The following GRM8 variants were observed in gnomAD, a reference collection of about 807,000 sequenced individuals.
The protein encoded by GRM8 is glutamate metabotropic receptor 8.
A neutral mutation model predicts 87.2 loss-of-function variants in GRM8; 47 were observed. That is an observed-to-expected ratio of 0.54 (90% confidence interval 0.43 to 0.69). The LOEUF is 0.69. Ranked by LOEUF, GRM8 falls within the 30% of genes least tolerant of loss-of-function variation. The pLI is 0.00. For synonymous variants in GRM8, 396 were observed against 404.5 expected (o/e 0.98, Z 0.25); for missense variants, 1,019 against 1,139.2 (o/e 0.89, Z 1.52).
intron 3 of GRM8, among the ~76,000 whole-genome samples, chr7:126,932,136 A>G (rs989935069): frequency 1.3e-5 from 2 of 152,086 alleles, no homozygotes; most frequent in East Asian, 1.9e-4. Context: ...GATTTTTTCT[A>G]TTCTCAAGAC....
At chr7:127,097,213 A>C (rs142876865) in intron 3 of GRM8, among the ~76,000 whole-genome samples, 1 of 152,348 alleles carries the variant, frequency 6.6e-6, no homozygotes, top group East Asian at 1.9e-4. Context: ...GCTAAGGATG[A>C]GGCAAGATAC....
rs190019321 is a variant in GRM8, at chr7:127,182,233, C to T, written c.510+60462G>A. On this transcript the variant is annotated intron_variant, in intron 2 of 10. Coordinates refer to ENST00000339582, the MANE Select transcript of GRM8 (RefSeq NM_000845.3). Reference sequence around the variant, plus strand: ...AAAAGATATACAAATGGCCAACAAACACATTAAAAAATGCTCAACATCACT... The same window carrying T: ...AAAAGATATACAAATGGCCAACAAATACATTAAAAAATGCTCAACATCACT... 2.0e-3 allele frequency among the ~76,000 whole-genome samples: 308 copies of T among 152,066 alleles called. 1 individual carries two copies. Among genetic ancestry groups the T allele is most frequent in the Middle Eastern group, 0.017 (5 of 294 alleles).
chr7:126,805,757 C>T (rs1462334303), intron 6 of GRM8, among the ~76,000 whole-genome samples: 2 of 152,176 alleles, frequency 1.3e-5, no homozygotes, highest in African/African-American at 4.8e-5. Context: ...TTCCTACTCA[C>T]CCTCTTTGCT....
chr7:126,560,253 A>C (rs1562956054), intron 8 of GRM8, among the ~76,000 whole-genome samples: 2 of 152,352 alleles, frequency 1.3e-5, no homozygotes, highest in East Asian at 3.9e-4. Context: ...GGTTAGCAGC[A>C]AGATTTCTAA....
chr7:127,211,073 A>G (rs931268961), intron 2 of GRM8, among the ~76,000 whole-genome samples: 1 of 152,032 alleles, frequency 6.6e-6, no homozygotes, highest in Non-Finnish European at 1.5e-5. Context: ...CTGGAGGGAC[A>G]GGACTAATAG....
chr7:126,849,384 G>A (rs1242221837), intron 6 of GRM8, among the ~76,000 whole-genome samples: 1 of 152,148 alleles, frequency 6.6e-6, no homozygotes, highest in Non-Finnish European at 1.5e-5. Context: ...GAGGAACTGA[G>A]AAGATAATCT....
chr7:126,680,114 C>G (rs1199456621), intron 7 of GRM8, among the ~76,000 whole-genome samples: 1 of 152,000 alleles, frequency 6.6e-6, no homozygotes, highest in Non-Finnish European at 1.5e-5. Flanking sequence ...GTGAGATGCG[C>G]AAATGGAACT....
chr7:127,251,758 A>G (rs1798887596), intron 1 of GRM8, among the ~76,000 whole-genome samples: 1 of 151,700 alleles, frequency 6.6e-6, no homozygotes, highest in Non-Finnish European at 1.5e-5. Flanking sequence ...CGCGGGAGCT[A>G]CCGAGGAGCT....
chr7:127,127,296 G>A (rs1827427018), intron 2 of GRM8, among the ~76,000 whole-genome samples: 1 of 151,912 alleles, frequency 6.6e-6, no homozygotes, highest in Admixed American at 6.6e-5. Context: ...ACTTACCCAA[G>A]AGATATAAAA....
At chr7:126,814,432 T>C (rs1339294454) in intron 6 of GRM8, among the ~76,000 whole-genome samples, 2 of 152,032 alleles carry the variant, frequency 1.3e-5, no homozygotes, top group Non-Finnish European at 2.9e-5. Context: ...AAGAAGCAAT[T>C]CAATATTCTA....
At chr7:126,821,886 A>G (rs565158864) in intron 6 of GRM8, among the ~76,000 whole-genome samples, 1 of 152,262 alleles carries the variant, frequency 6.6e-6, no homozygotes, top group South Asian at 2.1e-4. Context: ...CCACATTGCA[A>G]CTGTGATTTC....
intron 7 of GRM8, among the ~76,000 whole-genome samples, chr7:126,768,433 C>T (rs1818452905): frequency 6.9e-6 from 1 of 145,332 alleles, no homozygotes; most frequent in Non-Finnish European, 1.5e-5. Flanking sequence ...CTTTTAATAG[C>T]CATTACATTA....
intron 8 of GRM8, among the ~76,000 whole-genome samples, chr7:126,584,576 G>C (rs1240405033): frequency 6.6e-6 from 1 of 152,298 alleles, no homozygotes; most frequent in East Asian, 1.9e-4. Context: ...CTTTTCATGA[G>C]AAGCAAAATA....
chr7:126,968,804 G>A (rs1810121318), intron 3 of GRM8, among the ~76,000 whole-genome samples: 1 of 152,126 alleles, frequency 6.6e-6, no homozygotes, highest in African/African-American at 2.4e-5. Context: ...GTTGTGGGAT[G>A]GAAGTAGCCT....
At chr7:127,109,553 T>C (rs1168290753) in intron 2 of GRM8, among the ~76,000 whole-genome samples, 1 of 152,142 alleles carries the variant, frequency 6.6e-6, no homozygotes. Flanking sequence ...AAATTCAATA[T>C]CCAGCTCAAA....
At chr7:126,787,201 C>A (rs904972096) in intron 6 of GRM8, among the ~76,000 whole-genome samples, 1 of 152,160 alleles carries the variant, frequency 6.6e-6, no homozygotes, top group African/African-American at 2.4e-5. Context: ...ACTCTGAGTG[C>A]ATTTTGTCAA....
chr7:127,058,117 T>C (rs772546104), intron 3 of GRM8: 14 of 517,256 alleles, frequency 2.7e-5, no homozygotes, highest in African/African-American at 2.1e-4. Context: ...TGATGTTGCG[T>C]CACCACGTGA....
At chr7:127,047,494 T>C (rs1320666178) in intron 3 of GRM8, among the ~76,000 whole-genome samples, 1 of 152,150 alleles carries the variant, frequency 6.6e-6, no homozygotes, top group Non-Finnish European at 1.5e-5. Flanking sequence ...CCCTTTCTTT[T>C]TCCCCTTCTC....
At chr7:126,744,550 C>T (rs1428117360) in intron 7 of GRM8, among the ~76,000 whole-genome samples, 1 of 151,902 alleles carries the variant, frequency 6.6e-6, no homozygotes, top group Non-Finnish European at 1.5e-5. Flanking sequence ...CTCAGTGAAC[C>T]AATATTTTGC....
Sources: gnomAD v4.1 joint callset for allele counts (sites outside exome capture counted in the v4.1 genomes callset) on GRCh38, gnomAD v4.1.1 for gene constraint, MANE v1.5 for transcripts, NCBI Gene and HGNC (gene_info 2026-07-23, HGNC 2026-07-21) for gene names.